The following RIMS2 variants were observed in gnomAD, a reference collection of about 807,000 sequenced individuals.
RIMS2 encodes regulating synaptic membrane exocytosis 2, also known as regulating synaptic membrane exocytosis protein 2.
In RIMS2, 59 loss-of-function variants were observed where a neutral mutation model predicts 174.4. The ratio of observed to expected loss-of-function variants is 0.34; its 90% confidence interval spans 0.27 to 0.42. The LOEUF is 0.42. Ranked by LOEUF, RIMS2 falls within the 10% of genes least tolerant of loss-of-function variation. RIMS2 has a pLI of 1.00. For synonymous variants in RIMS2, 606 were observed against 572.5 expected, an observed-to-expected ratio of 1.06 and a Z score of -0.84; for missense variants, 1,620 against 1,666.3, an observed-to-expected ratio of 0.97 and a Z score of 0.48.
At chr8:103,883,743 C>T (rs895326627) in intron 3 of RIMS2, among the ~76,000 whole-genome samples, 1 of 151,734 alleles carries the variant, frequency 6.6e-6, no homozygotes, top group African/African-American at 2.4e-5. Context: ...AGAGGATATA[C>T]AGAAGCCATT....
chr8:104,107,136 C>T (rs1311781822), intron 19 of RIMS2, among the ~76,000 whole-genome samples: 1 of 152,058 alleles, frequency 6.6e-6, no homozygotes, highest in African/African-American at 2.4e-5. Context: ...TGCACTTCTC[C>T]TTGACCCTTC....
intron 19 of RIMS2, among the ~76,000 whole-genome samples, chr8:104,033,318 A>C (rs2096441451): frequency 6.6e-6 from 1 of 152,030 alleles, no homozygotes; most frequent in African/African-American, 2.4e-5. Flanking sequence ...TGATTTATAT[A>C]TCAAAAATTA....
At chr8:103,801,698 C>T (rs1479263572) in intron 3 of RIMS2, among the ~76,000 whole-genome samples, 2 of 152,202 alleles carry the variant, frequency 1.3e-5, no homozygotes, top group South Asian at 2.1e-4. Flanking sequence ...TTCACCTTTA[C>T]CTTGCAGAAG....
At chr8:104,053,487 T>C (rs1208294169) in intron 19 of RIMS2, among the ~76,000 whole-genome samples, 1 of 152,150 alleles carries the variant, frequency 6.6e-6, no homozygotes, top group African/African-American at 2.4e-5. Flanking sequence ...GACAAGGAGA[T>C]TGGGAAAGTT....
chr8:103,585,857 G>T (rs2093888233), intron 1 of RIMS2, among the ~76,000 whole-genome samples: 1 of 150,744 alleles, frequency 6.6e-6, no homozygotes, highest in Non-Finnish European at 1.5e-5. Flanking sequence ...TAACAAACCT[G>T]CACTTTCTGC....
At position 103,820,208 on chromosome 8, in the gene RIMS2, G is replaced by GTTT. The variant is rs1343587050; in HGVS notation, c.698+53672_698+53673insTTT. ...TTTTCAACCTGATCATTTTTCTATGGTGAAGGCTGTTAAATTATGAACATA... is the reference window on the plus strand; with the variant it reads ...TTTTCAACCTGATCATTTTTCTATGGTTTTGAAGGCTGTTAAATTATGAACATA... On this transcript the variant is annotated intron_variant, in intron 3 of 23. Transcript: ENST00000504942. Among the ~76,000 whole-genome samples, 6 of 152,120 alleles carry GTTT rather than the reference G, an allele frequency of 3.9e-5. 1 individual carries two copies. Among genetic ancestry groups the GTTT allele is most frequent in the Admixed American group, 3.9e-4 (6 of 15,266 alleles).
chr8:104,100,772 A>T (rs995112199), intron 19 of RIMS2, among the ~76,000 whole-genome samples: 2 of 145,520 alleles, frequency 1.4e-5, no homozygotes, highest in African/African-American at 5.0e-5. Context: ...TGCCAAAAAC[A>T]TACTAATCCC....
At chr8:103,794,705 A>C (rs2098535472) in intron 3 of RIMS2, among the ~76,000 whole-genome samples, 2 of 152,264 alleles carry the variant, frequency 1.3e-5, no homozygotes, top group Non-Finnish European at 2.9e-5. Context: ...GCTAATATCC[A>C]GAATCTACAA....
chr8:104,130,292 G>T (rs2132889177), intron 19 of RIMS2, among the ~76,000 whole-genome samples: 1 of 152,300 alleles, frequency 6.6e-6, no homozygotes, highest in East Asian at 1.9e-4. Flanking sequence ...TTCATGTAAT[G>T]ATCTGGGTGA....
At chr8:103,544,702 T>C (rs1282378774) in intron 1 of RIMS2, among the ~76,000 whole-genome samples, 1 of 152,176 alleles carries the variant, frequency 6.6e-6, no homozygotes, top group Non-Finnish European at 1.5e-5. Flanking sequence ...CTGCCAACTG[T>C]GGCCCCTGCC....
intron 3 of RIMS2, among the ~76,000 whole-genome samples, chr8:103,857,047 T>C (rs971640444): frequency 5.3e-5 from 8 of 152,154 alleles, no homozygotes. Flanking sequence ...TATCATTACA[T>C]TGAACTTTGA....
intron 2 of RIMS2, among the ~76,000 whole-genome samples, chr8:103,731,109 C>T (rs114516229): frequency 0.015 from 2,333 of 152,152 alleles, 38 homozygotes; most frequent in South Asian, 0.049. Flanking sequence ...AAAGACCCAC[C>T]GCATGATTCA....
At chr8:103,957,404 C>A (rs902246156) in intron 14 of RIMS2, among the ~76,000 whole-genome samples, 1 of 152,158 alleles carries the variant, frequency 6.6e-6, no homozygotes, top group Non-Finnish European at 1.5e-5. Context: ...GTGGCACATA[C>A]ACACCATGGA....
At chr8:103,977,810 CAT>C (rs2093578038) in intron 16 of RIMS2, among the ~76,000 whole-genome samples, 1 of 152,184 alleles carries the variant, frequency 6.6e-6, no homozygotes. Context: ...ACACTTTAAT[CAT>C]GTTTACCAGT....
chr8:104,018,101 A>G (rs2095977642), intron 19 of RIMS2, among the ~76,000 whole-genome samples: 1 of 152,166 alleles, frequency 6.6e-6, no homozygotes, highest in Admixed American at 6.5e-5. Flanking sequence ...TGGAGTCTTT[A>G]TCATTCTGAA....
At chr8:103,894,595 C>CA (rs1354770819) in intron 4 of RIMS2, among the ~76,000 whole-genome samples, 1 of 151,528 alleles carries the variant, frequency 6.6e-6, no homozygotes. Flanking sequence ...TTTTGAAGAT[C>CA]AAATACCTCT....
chr8:104,137,852 G>A lies in RIMS2; in HGVS notation c.3335-107064G>A, dbSNP rs147143877. On this transcript the variant is annotated intron_variant, in intron 19 of 23. Coordinates refer to ENST00000504942, the Ensembl canonical transcript of RIMS2. ...ATAAGTTGTTAACTACAGTCACCCT[G>A]TTGTGCTTTCAAATACTAGATATTG... Among the ~76,000 whole-genome samples the A allele has an allele frequency of 8.6e-3, 1,302 of 152,142 alleles. 20 individuals are homozygous for A. The highest frequency in any genetic ancestry group is 0.03 in the African/African-American group (1,254 of 41,506).
At chr8:103,975,621 GGCTCATATGATTATA>G (rs543127674) in intron 16 of RIMS2, 115 bp downstream of exon 18, 221 of 676,340 alleles carry the variant, frequency 3.3e-4, no homozygotes, top group Non-Finnish European at 3.8e-4. Flanking sequence ...AGGGAGAATT[GGCTCATATGATTATA>G]AGACAAAGTC....
intron 2 of RIMS2, among the ~76,000 whole-genome samples, chr8:103,717,688 C>T (rs909153744): frequency 9.9e-5 from 15 of 152,128 alleles, no homozygotes; most frequent in African/African-American, 3.6e-4. Context: ...ATATAACAGT[C>T]TATATTTCAA....
Sources: allele counts gnomAD v4.1 joint callset (sites outside exome capture counted in the v4.1 genomes callset), GRCh38; gene constraint gnomAD v4.1.1; transcripts MANE v1.5; gene names NCBI Gene and HGNC (gene_info 2026-07-23, HGNC 2026-07-21).